The following ZNF280D variants were observed in gnomAD, a reference collection of about 807,000 sequenced individuals.
ZNF280D encodes suppressor of hairy wing homolog 4.
A neutral mutation model predicts 94.7 loss-of-function variants in ZNF280D; 39 were observed. That is an observed-to-expected ratio of 0.41 (90% CI 0.32 to 0.54). ZNF280D has a LOEUF of 0.54. ZNF280D is among the 20% of genes least tolerant of loss of function. The pLI, the probability that ZNF280D is intolerant of heterozygous loss-of-function variation, is 0.22. For synonymous variants in ZNF280D, 398 were observed against 377.6 expected (o/e 1.05, Z -0.63); for missense variants, 1,090 against 1,149.3 (o/e 0.95, Z 0.75).
chr15:56,692,482 A>G (rs1027683917), intron 7 of ZNF280D, among the ~76,000 whole-genome samples: 13 of 152,120 alleles, frequency 8.5e-5, no homozygotes, highest in Admixed American at 5.9e-4. Context: ...ATTATTTTAT[A>G]GTACACTAAT....
At chr15:56,655,260 T>G (rs1446640873) in intron 17 of ZNF280D, among the ~76,000 whole-genome samples, 2 of 152,124 alleles carry the variant, frequency 1.3e-5, no homozygotes, top group Admixed American at 1.3e-4. Flanking sequence ...CAGGCGGGAG[T>G]GCAGTGGCGT....
intron 19 of ZNF280D, among the ~76,000 whole-genome samples, chr15:56,646,626 T>A (rs899167118): frequency 2.6e-4 from 40 of 152,180 alleles, no homozygotes; most frequent in African/African-American, 9.7e-4. Context: ...GCAAAACATT[T>A]ACCAGGTTGT....
chr15:56,658,151 C>T (rs1317658370), intron 17 of ZNF280D, among the ~76,000 whole-genome samples: 1 of 152,100 alleles, frequency 6.6e-6, no homozygotes, highest in Non-Finnish European at 1.5e-5. Context: ...AAATATTACA[C>T]AGACAGAAAG....
chr15:56,653,250 A>G (rs4774885), intron 19 of ZNF280D: 1,121,393 of 1,161,506 alleles, frequency 0.97, 541,909 homozygotes, highest in East Asian at 1. Context: ...CAAAATGACT[A>G]AACTTCAACT....
intron 19 of ZNF280D, among the ~76,000 whole-genome samples, chr15:56,648,765 AG>A (rs1415693378): frequency 1.3e-5 from 2 of 152,204 alleles, no homozygotes; most frequent in African/African-American, 2.4e-5. Context: ...AGTAAATGTT[AG>A]TTATTATTGT....
intron 19 of ZNF280D, among the ~76,000 whole-genome samples, chr15:56,651,464 T>G (rs2053200766): frequency 6.6e-6 from 1 of 152,194 alleles, no homozygotes; most frequent in Admixed American, 6.5e-5. Context: ...AGTGTTTTAT[T>G]TGAACCTTTT....
In ZNF280D at chr15:56,678,651, A is replaced by T. The variant is rs1487152062; in HGVS notation, c.1162+13T>A. On this transcript the variant is annotated intron_variant, in intron 11 of 21. Coordinates refer to ENST00000267807, the MANE Select transcript of ZNF280D (RefSeq NM_017661.4). ...TCAATAATATGGAATATTTAAATGT[A>T]TTGGTAACTTACTAGAAAATTCATG... is the stretch of plus-strand genomic sequence containing the variant. 13 of 1,568,464 alleles carry T rather than the reference A, an allele frequency of 8.3e-6. No homozygotes were observed. The highest frequency in any genetic ancestry group is 1.1e-5 in the Non-Finnish European group (13 of 1,156,246).
chr15:56,720,472 T>C (rs1273615343), intron 1 of ZNF280D, among the ~76,000 whole-genome samples: 1 of 152,148 alleles, frequency 6.6e-6, no homozygotes, highest in African/African-American at 2.4e-5. Flanking sequence ...ACCAACTTCT[T>C]CCAAACTTCT....
chr15:56,708,978 C>A (rs1388696913), intron 1 of ZNF280D, among the ~76,000 whole-genome samples: 2 of 152,130 alleles, frequency 1.3e-5, no homozygotes, highest in Non-Finnish European at 2.9e-5. Context: ...ACACCAAAAG[C>A]AACGGCAACA....
intron 19 of ZNF280D, 125 bp downstream of exon 19, chr15:56,654,073 T>TA (rs571402426): frequency 0.022 from 25,059 of 1,131,218 alleles, 29 homozygotes; most frequent in South Asian, 0.054. Context: ...CAAGCAGCTT[T>TA]AAAAAAAAAA....
chr15:56,688,894 A>T, intron 9 of ZNF280D, 147 bp downstream of exon 9: 1 of 503,464 alleles, frequency 2.0e-6, no homozygotes, highest in Non-Finnish European at 3.4e-6. Context: ...TTGAGAATCT[A>T]TATAATCATT....
chr15:56,678,918 T>C (rs2055431299), intron 10 of ZNF280D, 97 bp from the exon 11 acceptor site: 10 of 1,177,340 alleles, frequency 8.5e-6, no homozygotes, highest in Non-Finnish European at 1.1e-5. Flanking sequence ...AAAATATAGA[T>C]GTATTACTCA....
At chr15:56,652,604 C>T (rs1307380379) in intron 19 of ZNF280D, 1 of 979,030 alleles carries the variant, frequency 1.0e-6, no homozygotes, top group East Asian at 1.1e-4. Flanking sequence ...GAAATACATG[C>T]ATTACTGGTC....
intron 3 of ZNF280D, among the ~76,000 whole-genome samples, chr15:56,706,668 T>C (rs2057421936): frequency 6.6e-6 from 1 of 152,130 alleles, no homozygotes; most frequent in South Asian, 2.1e-4. Flanking sequence ...GGTACTTTGT[T>C]ATGGCAGCCC....
chr15:56,728,061 T>C (rs1438305718), intron 1 of ZNF280D, among the ~76,000 whole-genome samples: 4 of 151,952 alleles, frequency 2.6e-5, no homozygotes, highest in Non-Finnish European at 5.9e-5. Flanking sequence ...AGACAGGGTC[T>C]CACTCTGTCA....
At chr15:56,720,970 T>TTGG (rs755629579) in intron 1 of ZNF280D, among the ~76,000 whole-genome samples, 56 of 26,554 alleles carry the variant, frequency 2.1e-3, no homozygotes, top group African/African-American at 4.4e-3. Flanking sequence ...GCATTTTTTT[T>TTGG]GGGGGGGGGG....
At chr15:56,693,247 T>C in intron 6 of ZNF280D, 32 bp from the exon 7 acceptor site, 1 of 867,390 alleles carries the variant, frequency 1.2e-6, no homozygotes, top group East Asian at 3.2e-5. Context: ...AAATAATACA[T>C]TTATTCAACA....
intron 13 of ZNF280D, among the ~76,000 whole-genome samples, chr15:56,674,346 T>A (rs1373423679): frequency 6.8e-6 from 1 of 147,188 alleles, no homozygotes; most frequent in African/African-American, 2.7e-5. Context: ...ATGAAGATAC[T>A]TTTTTTTTAT....
chr15:56,720,627 A>C (rs1307175549), intron 1 of ZNF280D, among the ~76,000 whole-genome samples: 1 of 152,158 alleles, frequency 6.6e-6, no homozygotes, highest in African/African-American at 2.4e-5. Flanking sequence ...ACACCCTTAC[A>C]AAATGTTATT....
Sources: allele counts gnomAD v4.1 joint callset (sites outside exome capture counted in the v4.1 genomes callset), GRCh38; gene constraint gnomAD v4.1.1; transcripts MANE v1.5; gene names NCBI Gene and HGNC (gene_info 2026-07-23, HGNC 2026-07-21).